Variants in ATP2B1 observed in about 807,000 individuals in gnomAD.
The protein encoded by ATP2B1 is ATPase plasma membrane Ca2+ transporting 1.
Under a neutral mutation model 124.2 loss-of-function variants are expected in ATP2B1, and 14 were observed. The ratio of observed to expected loss-of-function variants is 0.11; its 90% CI spans 0.07 to 0.18. The LOEUF (loss-of-function observed/expected upper bound fraction) is 0.18. ATP2B1 is among the 10% of genes least tolerant of loss of function. The probability of loss-of-function intolerance (pLI) is 1.00; values close to 1 mark genes in which losing one functional copy is unlikely to be tolerated. For missense variants in ATP2B1, 763 were observed against 1,466.1 expected, an observed-to-expected ratio of 0.52 and a Z score of 7.83; for synonymous variants, 449 against 492.4, an observed-to-expected ratio of 0.91 and a Z score of 1.17.
Position 89,690,638 on chromosome 12 carries a change from T to C in ATP2B1, c.-222+17958A>G, listed in dbSNP as rs11105372. On this transcript the variant is annotated intron_variant, in intron 1 of 20. Coordinates refer to ENST00000428670, the MANE Select transcript of ATP2B1 (RefSeq NM_001366521.1). The stretch of plus-strand genomic sequence containing the variant: ...CATTTATTACTTACCACTTACTAAT[T>C]TTGACATGAATGCTTTCTAAGATCT... 1.3e-3 allele frequency among the ~76,000 whole-genome samples: 192 copies of C among 152,156 alleles called. No individual in the cohort carries two copies. The East Asian group carries it at 0.032, about 25-fold the overall frequency.
At chr12:89,658,636 A>AGAGAGAGAGAGG (rs1886283365) in intron 1 of ATP2B1, among the ~76,000 whole-genome samples, 1 of 151,486 alleles carries the variant, frequency 6.6e-6, no homozygotes, top group South Asian at 2.1e-4. Context: ...AGAGAGAGAG[A>AGAGAGAGAGAGG]GAGAGAGAGA....
At chr12:89,598,780 A>AAG (rs143275091) in intron 20 of ATP2B1, 20 of 1,608,808 alleles carry the variant, frequency 1.2e-5, no homozygotes, top group Admixed American at 5.0e-5. Context: ...CTTGCTCAGC[A>AAG]AGAGAGAGAG....
intron 2 of ATP2B1, among the ~76,000 whole-genome samples, chr12:89,652,396 G>A (rs1267062033): frequency 6.6e-6 from 1 of 152,198 alleles, no homozygotes; most frequent in African/African-American, 2.4e-5. Flanking sequence ...TCCCATGTCT[G>A]AAGAAAGTAT....
Position 89,626,449 on chromosome 12 carries a change from C to T in ATP2B1, c.1129+5G>A. On this transcript the variant is annotated splice_donor_5th_base_variant and intron_variant, in intron 8 of 20. Transcript: ENST00000428670. Reference sequence around the variant, plus strand: ...AAACACTTTATTTTCTTCTCTATATCATACCTGCTTTGCCAATCTGAACAG... The same window carrying T: ...AAACACTTTATTTTCTTCTCTATATTATACCTGCTTTGCCAATCTGAACAG... 3 of 1,600,016 alleles carry T rather than the reference C, an allele frequency of 1.9e-6. No individual in the cohort carries two copies. The highest frequency in any genetic ancestry group is 2.6e-6 in the Non-Finnish European group (3 of 1,175,500).
chr12:89,695,796 G>T (rs1312935139), intron 1 of ATP2B1, among the ~76,000 whole-genome samples: 1 of 152,076 alleles, frequency 6.6e-6, no homozygotes, highest in Admixed American at 6.5e-5. Context: ...TAGAAGCAGG[G>T]ATAGTAAAAT....
At chr12:89,592,161 T>G (rs1873699011) in intron 20 of ATP2B1, among the ~76,000 whole-genome samples, 1 of 151,942 alleles carries the variant, frequency 6.6e-6, no homozygotes, top group Non-Finnish European at 1.5e-5. Flanking sequence ...CAATCAAACT[T>G]AAAAACATCA....
intron 1 of ATP2B1, among the ~76,000 whole-genome samples, chr12:89,671,848 A>T (rs1227390602): frequency 1.3e-5 from 2 of 151,048 alleles, no homozygotes; most frequent in Admixed American, 1.3e-4. Flanking sequence ...GTAAATATGA[A>T]CCTGAGACAA....
chr12:89,690,076 G>T (rs1434485108), intron 1 of ATP2B1, among the ~76,000 whole-genome samples: 5 of 152,026 alleles, frequency 3.3e-5, no homozygotes. Flanking sequence ...AGCTTTTACT[G>T]AATAGCTAAG....
intron 1 of ATP2B1, among the ~76,000 whole-genome samples, chr12:89,681,466 C>T (rs4842675): frequency 0.15 from 23,203 of 151,212 alleles, 2,151 homozygotes; most frequent in South Asian, 0.36. Flanking sequence ...CTGCAACCTC[C>T]GCCTCCCAGA....
chr12:89,686,855 C>CT (rs1890024945), intron 1 of ATP2B1, among the ~76,000 whole-genome samples: 2 of 152,002 alleles, frequency 1.3e-5, no homozygotes, highest in African/African-American at 4.8e-5. Flanking sequence ...TAAGAGAAAA[C>CT]TGAGTATTAG....
At chr12:89,675,670 T>A (rs559491788) in intron 1 of ATP2B1, among the ~76,000 whole-genome samples, 22 of 152,226 alleles carry the variant, frequency 1.4e-4, no homozygotes, top group Non-Finnish European at 2.6e-4. Flanking sequence ...GTGCTTTTAC[T>A]ACATTCCAAA....
intron 1 of ATP2B1, among the ~76,000 whole-genome samples, chr12:89,681,537 CG>C (rs1010730701): frequency 2.6e-5 from 4 of 152,028 alleles, no homozygotes; most frequent in Non-Finnish European, 5.9e-5. Context: ...TGTACCACCA[CG>C]CCCAGCTAAT....
At chr12:89,647,607 C>T (rs1245958418) in intron 2 of ATP2B1, among the ~76,000 whole-genome samples, 2 of 152,126 alleles carry the variant, frequency 1.3e-5, no homozygotes, top group African/African-American at 4.8e-5. Context: ...AAATTCTGTA[C>T]TAGAAATTTT....
chr12:89,624,491 C>A (rs1880504330), intron 8 of ATP2B1, 94 bp from the exon 9 acceptor site: 1 of 1,016,508 alleles, frequency 9.8e-7, no homozygotes, highest in Non-Finnish European at 1.4e-6. Flanking sequence ...AGAGTTATAA[C>A]TTGCTTGATA....
chr12:89,602,257 C>T (rs1001553093), intron 18 of ATP2B1, among the ~76,000 whole-genome samples: 3 of 152,022 alleles, frequency 2.0e-5, no homozygotes, highest in African/African-American at 7.3e-5. Context: ...CATAGCAAGA[C>T]CCTGTCTTAA....
Position 89,588,992 on chromosome 12 carries a change from G to C in ATP2B1, c.*1992C>G, listed in dbSNP as rs1809012819. 6.6e-6 allele frequency: 1 copy of C among 152,520 alleles called. No homozygotes were observed. Among genetic ancestry groups the C allele is most frequent in the African/African-American group, 2.4e-5 (1 of 41,422 alleles). 9.4% of individuals were successfully genotyped at this position (152,520 alleles called of 1,614,324 possible). On this transcript the variant is annotated 3_prime_UTR_variant, in exon 21 of 21. Transcript: ENST00000428670. ...CACATTAATGGCAAAACCAAGACTA[G>C]AAACCAGGTCTTGACTCCTAGTCTA...
chr12:89,655,778 G>C lies in ATP2B1; in HGVS notation c.109C>G (p.Leu37Val). The change falls in exon 2 of 21, where the codon CTC becomes GTC. Residue 37 changes from leucine (L) to valine (V), a missense_variant. By Grantham distance (32) the Leu-to-Val change is conservative. Around this residue, in one of 7 missense-constraint regions of ATP2B1, gnomAD observed 93 missense variants for 112.7 expected, o/e 0.83. Transcript: ENST00000428670. ...FGITLAELRALMELRSTDALR... is the reference protein window; with the variant it reads ...FGITLAELRAVMELRSTDALR... ...GCATCTGTGGACCTGAGCTCCATGA[G>C]AGCCCGCAGCTCTGCGAGCGTAATT... is the stretch of plus-strand genomic sequence containing the variant. 1.2e-6 allele frequency: 2 copies of C among 1,614,112 alleles called. No individual in the cohort carries two copies. Among genetic ancestry groups the C allele is most frequent in the African/African-American group, 2.7e-5 (2 of 75,028 alleles).
chr12:89,608,436 A>T (rs12099471), intron 15 of ATP2B1, among the ~76,000 whole-genome samples: 13 of 152,084 alleles, frequency 8.5e-5, no homozygotes, highest in African/African-American at 2.9e-4. Context: ...TCAGCCTCCC[A>T]AAGTGCTGGG....
At chr12:89,604,632 C>T (rs1198777763) in intron 15 of ATP2B1, among the ~76,000 whole-genome samples, 3 of 151,920 alleles carry the variant, frequency 2.0e-5, no homozygotes, top group Non-Finnish European at 4.4e-5. Flanking sequence ...AAAAGCCACA[C>T]AAAAAGGTAT....
Sources: gnomAD v4.1 joint callset for allele counts (sites outside exome capture counted in the v4.1 genomes callset) on GRCh38, gnomAD v4.1.1 for gene constraint, gnomAD v4.1.1 regional missense constraint, MANE v1.5 for transcripts, NCBI Gene and HGNC (gene_info 2026-07-23, HGNC 2026-07-21) for gene names.